The following DCDC1 variants were observed in gnomAD, a reference collection of about 807,000 sequenced individuals.
DCDC1 encodes the protein doublecortin domain-containing protein 1.
Under a neutral mutation model 178.3 loss-of-function variants are expected in DCDC1, and 200 were observed. The ratio of observed to expected loss-of-function variants is 1.12; its 90% CI spans 1.00 to 1.26. The LOEUF is 1.26. Ranked by LOEUF, DCDC1 falls within the 50% of genes most tolerant of loss-of-function variation. DCDC1 has a pLI of 0.00. For synonymous variants in DCDC1, 690 were observed against 604.8 expected (o/e 1.14, Z -2.07); for missense variants, 1,983 against 1,749.2 (o/e 1.13, Z -2.38).
intron 2 of DCDC1, among the ~76,000 whole-genome samples, chr11:31,329,232 A>G (rs538908225): frequency 9.2e-5 from 14 of 152,174 alleles, no homozygotes; most frequent in Non-Finnish European, 1.8e-4. Context: ...AAAGAGATGA[A>G]AGCAGACCTA....
At chr11:30,994,196 G>A (rs1951128029) in intron 20 of DCDC1, among the ~76,000 whole-genome samples, 1 of 151,960 alleles carries the variant, frequency 6.6e-6, no homozygotes, top group African/African-American at 2.4e-5. Context: ...GACTAAATAG[G>A]AAAATCATGT....
intron 36 of DCDC1, among the ~76,000 whole-genome samples, chr11:30,891,099 A>T (rs1452327720): frequency 1.3e-5 from 2 of 152,190 alleles, no homozygotes; most frequent in Admixed American, 1.3e-4. Context: ...TTCCCAAGTA[A>T]ACCTTGGATA....
At chr11:31,001,091 G>T (rs1007011078) in intron 20 of DCDC1, among the ~76,000 whole-genome samples, 7 of 152,042 alleles carry the variant, frequency 4.6e-5, no homozygotes, top group Non-Finnish European at 1.0e-4. Context: ...ACATCTATTA[G>T]TTGGCATTAG....
At chr11:31,300,846 C>T (rs1167146465) in intron 6 of DCDC1, among the ~76,000 whole-genome samples, 1 of 152,200 alleles carries the variant, frequency 6.6e-6, no homozygotes, top group East Asian at 1.9e-4. Flanking sequence ...GTACAGTAAA[C>T]AAATGTAGTC....
At position 31,071,173 on chromosome 11, in the gene DCDC1, A is replaced by G. The variant is rs9667058; in HGVS notation, c.2299-6020T>C. 9.0e-3 allele frequency among the ~76,000 whole-genome samples: 1,368 copies of G among 152,274 alleles called. 15 individuals carry two copies. Among genetic ancestry groups the G allele is most frequent in the Non-Finnish European group, 0.015 (1,022 of 68,032 alleles). Reference sequence around the variant, plus strand: ...TTTCTTACCCGATTTTTCTCAATTAACAACATTACAATTTTTCTTAATCAT... The same window carrying G: ...TTTCTTACCCGATTTTTCTCAATTAGCAACATTACAATTTTTCTTAATCAT... On this transcript the variant is annotated intron_variant, in intron 18 of 38. Transcript: ENST00000684477.
At chr11:31,229,331 A>T (rs929054257) in intron 9 of DCDC1, among the ~76,000 whole-genome samples, 2 of 152,130 alleles carry the variant, frequency 1.3e-5, no homozygotes, top group African/African-American at 4.8e-5. Context: ...CCTCAAGATC[A>T]GAGATATAAA....
At chr11:31,235,380 T>A (rs1289243167) in intron 9 of DCDC1, among the ~76,000 whole-genome samples, 1 of 151,844 alleles carries the variant, frequency 6.6e-6, no homozygotes, top group Non-Finnish European at 1.5e-5. Context: ...ATGGTCCATA[T>A]TCTGTAAAGG....
intron 21 of DCDC1, among the ~76,000 whole-genome samples, chr11:30,937,097 T>C (rs1275627765): frequency 6.6e-6 from 1 of 152,112 alleles, no homozygotes; most frequent in Non-Finnish European, 1.5e-5. Flanking sequence ...AAACCCAACC[T>C]CACAACTACG....
chr11:31,116,094 A>C (rs1206800005), intron 11 of DCDC1, among the ~76,000 whole-genome samples: 1 of 149,774 alleles, frequency 6.7e-6, no homozygotes. Context: ...TGTCACCTAC[A>C]TGAACTCAAT....
intron 7 of DCDC1, among the ~76,000 whole-genome samples, chr11:31,289,271 G>C (rs1206423097): frequency 6.6e-6 from 1 of 151,972 alleles, no homozygotes; most frequent in Non-Finnish European, 1.5e-5. Context: ...CATAGCTTCT[G>C]TCTCCAAGAA....
At chr11:30,929,253 T>C (rs150626200) in intron 22 of DCDC1, among the ~76,000 whole-genome samples, 1 of 152,046 alleles carries the variant, frequency 6.6e-6, no homozygotes, top group Non-Finnish European at 1.5e-5. Context: ...ACATAGCAGA[T>C]TGTACATCTG....
At chr11:31,111,187 T>A (rs1367756837) in intron 11 of DCDC1, among the ~76,000 whole-genome samples, 1 of 152,108 alleles carries the variant, frequency 6.6e-6, no homozygotes, top group Admixed American at 6.6e-5. Context: ...TTCTCAAAAG[T>A]TCTTTTCTTC....
At chr11:31,143,637 A>G (rs541504511) in intron 9 of DCDC1, among the ~76,000 whole-genome samples, 23 of 152,344 alleles carry the variant, frequency 1.5e-4, no homozygotes, top group African/African-American at 5.5e-4. Flanking sequence ...CATTCCCTCA[A>G]GCTATACATG....
intron 9 of DCDC1, among the ~76,000 whole-genome samples, chr11:31,174,300 G>T (rs550140497): frequency 9.8e-5 from 15 of 152,342 alleles, no homozygotes; most frequent in Admixed American, 8.5e-4. Flanking sequence ...CAGAGTTGAG[G>T]CTGAGCCCAG....
intron 1 of DCDC1, among the ~76,000 whole-genome samples, chr11:31,344,382 C>T (rs1357705808): frequency 6.6e-6 from 1 of 152,120 alleles, no homozygotes; most frequent in African/African-American, 2.4e-5. Flanking sequence ...CCCTCTGATA[C>T]CCCCACCTAG....
intron 26 of DCDC1, 131 bp downstream of exon 26, chr11:30,916,739 A>G: frequency 1.8e-6 from 2 of 1,104,530 alleles, no homozygotes; most frequent in South Asian, 2.8e-5. Context: ...CAAAAACATA[A>G]GACAAAAATG....
At position 31,352,557 on chromosome 11, in the gene DCDC1, A is replaced by G. The variant is rs144899277; in HGVS notation, c.-124-16993T>C. Among the ~76,000 whole-genome samples the G allele has an allele frequency of 7.9e-3, 1,196 of 152,302 alleles. 7 individuals are homozygous for G. The highest frequency in any genetic ancestry group is 0.014 in the Non-Finnish European group (950 of 67,996). On this transcript the variant is annotated intron_variant, in intron 1 of 38. Transcript: ENST00000684477. ...TTCGAGTAGTCAAGGCATTCCATATATTAAGGAAGTATGACTTAATTTCCT... is the reference window on the plus strand; with the variant it reads ...TTCGAGTAGTCAAGGCATTCCATATGTTAAGGAAGTATGACTTAATTTCCT...
intron 7 of DCDC1, among the ~76,000 whole-genome samples, chr11:31,283,791 A>G (rs1946621423): frequency 6.6e-6 from 1 of 152,158 alleles, no homozygotes; most frequent in African/African-American, 2.4e-5. Flanking sequence ...CTTAATAGTC[A>G]GCCAAAGACA....
chr11:31,310,308 A>ATTTTTTTTTTTTTTTTTTTT (rs11407483), intron 3 of DCDC1, among the ~76,000 whole-genome samples: 1 of 53,882 alleles, frequency 1.9e-5, no homozygotes, highest in African/African-American at 8.5e-5. Context: ...GTAATTCTTG[A>ATTTTTTTTTTTTTTTTTTTT]TTTTTTTTTT....
Sources: gnomAD v4.1 joint callset for allele counts (sites outside exome capture counted in the v4.1 genomes callset) on GRCh38, gnomAD v4.1.1 for gene constraint, MANE v1.5 for transcripts, NCBI Gene and HGNC (gene_info 2026-07-23, HGNC 2026-07-21) for gene names.